Variants in CNTN1 observed in about 807,000 individuals in gnomAD.
The protein encoded by CNTN1 is contactin-1.
In CNTN1, 38 loss-of-function variants were observed where a neutral mutation model predicts 126.4. The observed-to-expected ratio is 0.30, with a 90% CI of 0.23 to 0.39. CNTN1 has a LOEUF of 0.39. Ranked by LOEUF, CNTN1 falls within the 10% of genes least tolerant of loss-of-function variation. CNTN1 has a pLI of 1.00. For missense variants in CNTN1, 1,009 were observed against 1,248.4 expected (o/e 0.81, Z 2.89); for synonymous variants, 413 against 422.6 (o/e 0.98, Z 0.28).
chr12:40,930,934 A>G (rs1266390360), intron 7 of CNTN1, among the ~76,000 whole-genome samples: 2 of 151,996 alleles, frequency 1.3e-5, no homozygotes, highest in Admixed American at 6.6e-5. Flanking sequence ...AGGAGCCATC[A>G]TGTAAAAATT....
At chr12:40,933,939 A>G (rs746361911) in intron 9 of CNTN1, 61 bp downstream of exon 9, 159 of 1,319,896 alleles carry the variant, frequency 1.2e-4, no homozygotes, top group Non-Finnish European at 1.5e-4. Flanking sequence ...AGCCATTTCC[A>G]TACATGAAAA....
intron 1 of CNTN1, among the ~76,000 whole-genome samples, chr12:40,713,426 C>A (rs543749455): frequency 1.3e-5 from 2 of 149,680 alleles, no homozygotes; most frequent in African/African-American, 4.9e-5. Context: ...TGTTATCATA[C>A]TTGTTTATAT....
intron 1 of CNTN1, among the ~76,000 whole-genome samples, chr12:40,709,293 C>A (rs763625021): frequency 8.5e-5 from 13 of 152,120 alleles, no homozygotes; most frequent in Non-Finnish European, 1.8e-4. Flanking sequence ...TTTTTCTGAG[C>A]AGTCGGTCTC....
At chr12:40,798,559 TA>T (rs921559752) in intron 1 of CNTN1, among the ~76,000 whole-genome samples, 2 of 151,716 alleles carry the variant, frequency 1.3e-5, no homozygotes, top group African/African-American at 4.8e-5. Context: ...ACTCAGCCAT[TA>T]AAAAAAGAAC....
intron 1 of CNTN1, among the ~76,000 whole-genome samples, chr12:40,785,350 G>A (rs1339728423): frequency 6.6e-6 from 1 of 152,132 alleles, no homozygotes; most frequent in East Asian, 1.9e-4. Context: ...GGAAGACGAA[G>A]TGGGAGCAGG....
chr12:40,997,408 C>G (rs1428265973), intron 17 of CNTN1, among the ~76,000 whole-genome samples: 1 of 152,146 alleles, frequency 6.6e-6, no homozygotes, highest in Non-Finnish European at 1.5e-5. Flanking sequence ...GATTTCATGC[C>G]TAATGAAGGT....
At chr12:40,801,015 G>GTTT (rs1213318457) in intron 1 of CNTN1, among the ~76,000 whole-genome samples, 3 of 143,670 alleles carry the variant, frequency 2.1e-5, no homozygotes, top group African/African-American at 7.7e-5. Flanking sequence ...CTAGAGTTTT[G>GTTT]TTTTTTTTTT....
At chr12:40,834,922 T>C (rs1941992308) in intron 1 of CNTN1, among the ~76,000 whole-genome samples, 1 of 152,174 alleles carries the variant, frequency 6.6e-6, no homozygotes, top group African/African-American at 2.4e-5. Flanking sequence ...TTTTATGTCC[T>C]AGTTTTGGGT....
chr12:40,845,863 A>G (rs73118754), intron 1 of CNTN1, among the ~76,000 whole-genome samples: 23,674 of 152,126 alleles, frequency 0.16, 1,856 homozygotes, highest in Middle Eastern at 0.21. Context: ...TTTATAATAA[A>G]CCAGTAAATG....
At chr12:40,725,370 C>T (rs892209497) in intron 1 of CNTN1, among the ~76,000 whole-genome samples, 6 of 137,108 alleles carry the variant, frequency 4.4e-5, no homozygotes, top group East Asian at 4.2e-4. Context: ...CATTGCACTC[C>T]AGCCTGGGCA....
At chr12:40,709,536 T>A (rs1251485399) in intron 1 of CNTN1, among the ~76,000 whole-genome samples, 1 of 152,250 alleles carries the variant, frequency 6.6e-6, no homozygotes, top group Non-Finnish European at 1.5e-5. Flanking sequence ...TGTTGACTTC[T>A]CCTTTTTAGC....
intron 1 of CNTN1, among the ~76,000 whole-genome samples, chr12:40,905,152 C>T (rs1482199771): frequency 6.6e-6 from 1 of 152,218 alleles, no homozygotes; most frequent in African/African-American, 2.4e-5. Context: ...TTCCCATATA[C>T]TGTGGTCATT....
chr12:40,712,006 C>A (rs771156243), intron 1 of CNTN1, among the ~76,000 whole-genome samples: 1 of 152,156 alleles, frequency 6.6e-6, no homozygotes, highest in Non-Finnish European at 1.5e-5. Flanking sequence ...AGGAGTGAGC[C>A]AATGTGCCCA....
intron 1 of CNTN1, among the ~76,000 whole-genome samples, chr12:40,720,131 ATGAG>A (rs1325015803): frequency 8.9e-5 from 2 of 22,556 alleles, no homozygotes; most frequent in Admixed American, 6.7e-4. Context: ...GATTACAGGC[ATGAG>A]CCACCGCGCC....
chr12:40,906,013 C>T (rs1331357937), intron 1 of CNTN1, among the ~76,000 whole-genome samples: 27 of 152,226 alleles, frequency 1.8e-4, no homozygotes, highest in Non-Finnish European at 2.9e-4. Flanking sequence ...CAATGGCTCA[C>T]GCCTGTAATC....
Position 40,931,667 on chromosome 12 carries a change from T to C in CNTN1, c.703+1665T>C, listed in dbSNP as rs1027667811. ...TAATAACTCAAGGTAGCATTATTTA[T>C]TATCAAATCCCAATTTCCACTGATC... On this transcript the variant is annotated intron_variant, in intron 7 of 23. Coordinates refer to ENST00000551295, the MANE Select transcript of CNTN1 (RefSeq NM_001843.4). 3.3e-5 allele frequency among the ~76,000 whole-genome samples: 5 copies of C among 152,114 alleles called. 1 individual carries two copies. The Admixed American group carries it at 3.3e-4, about 10-fold the overall frequency.
intron 17 of CNTN1, among the ~76,000 whole-genome samples, chr12:40,996,203 C>T (rs1029567858): frequency 6.6e-6 from 1 of 151,722 alleles, no homozygotes; most frequent in Non-Finnish European, 1.5e-5. Flanking sequence ...ACAATCACAG[C>T]TCACTGCAGC....
intron 1 of CNTN1, among the ~76,000 whole-genome samples, chr12:40,795,287 A>C (rs1940375805): frequency 1.5e-5 from 1 of 66,986 alleles, no homozygotes; most frequent in Non-Finnish European, 3.1e-5. Flanking sequence ...ACACACACAC[A>C]CACACACACA....
chr12:40,998,940 T>C (rs1948286533), intron 17 of CNTN1, among the ~76,000 whole-genome samples: 1 of 152,168 alleles, frequency 6.6e-6, no homozygotes, highest in Non-Finnish European at 1.5e-5. Context: ...GTAGTCAATA[T>C]GTTTTCAATC....
Sources: gnomAD v4.1 joint callset for allele counts (sites outside exome capture counted in the v4.1 genomes callset) on GRCh38, gnomAD v4.1.1 for gene constraint, MANE v1.5 for transcripts, NCBI Gene and HGNC (gene_info 2026-07-23, HGNC 2026-07-21) for gene names.